Variants in IQGAP1 observed in about 807,000 individuals in gnomAD.
The protein encoded by IQGAP1 is ras GTPase-activating-like protein IQGAP1.
Under a neutral mutation model 215.6 loss-of-function variants are expected in IQGAP1, and 66 were observed. That is an observed-to-expected ratio of 0.31 (90% confidence interval 0.25 to 0.38). The LOEUF is 0.38. Ranked by LOEUF, IQGAP1 falls within the 10% of genes least tolerant of loss-of-function variation. The pLI is 1.00. For synonymous variants in IQGAP1, 772 were observed against 728.7 expected, an observed-to-expected ratio of 1.06 and a Z score of -0.96; for missense variants, 1,712 against 1,997.1, an observed-to-expected ratio of 0.86 and a Z score of 2.72.
intron 2 of IQGAP1, among the ~76,000 whole-genome samples, chr15:90,394,043 G>A (rs542138896): frequency 2.7e-5 from 4 of 150,842 alleles, no homozygotes; most frequent in Non-Finnish European, 5.9e-5. Flanking sequence ...GCTGAGGCAG[G>A]AGAATTGCTT....
At chr15:90,480,120 G>A (rs1966036149) in intron 26 of IQGAP1, among the ~76,000 whole-genome samples, 1 of 151,810 alleles carries the variant, frequency 6.6e-6, no homozygotes, top group Admixed American at 6.6e-5. Flanking sequence ...CAGGCATGGT[G>A]GCATGCACCA....
intron 3 of IQGAP1, 149 bp downstream of exon 3, chr15:90,426,415 A>C (rs1965223159): frequency 2.5e-6 from 2 of 816,142 alleles, no homozygotes; most frequent in Admixed American, 6.7e-5. Context: ...GAATGGAGAA[A>C]TTTGTGCAAA....
intron 33 of IQGAP1, among the ~76,000 whole-genome samples, chr15:90,487,821 C>G (rs557139841): frequency 2.0e-5 from 3 of 152,262 alleles, no homozygotes; most frequent in African/African-American, 7.2e-5. Flanking sequence ...TTGTGCCCAT[C>G]CCGTATATCC....
intron 2 of IQGAP1, among the ~76,000 whole-genome samples, chr15:90,402,973 A>G (rs753195135): frequency 2.6e-5 from 4 of 152,210 alleles, no homozygotes; most frequent in Non-Finnish European, 4.4e-5. Context: ...GACTATTATA[A>G]CAAAATGTTT....
intron 30 of IQGAP1, 48 bp downstream of exon 30, chr15:90,484,400 T>A: frequency 6.6e-7 from 1 of 1,506,496 alleles, no homozygotes; most frequent in Non-Finnish European, 9.1e-7. Context: ...TTAATTATTA[T>A]CCCTGGCTGC....
intron 28 of IQGAP1, chr15:90,483,085 A>G (rs59632221): frequency 0.014 from 4,937 of 356,206 alleles, 182 homozygotes; most frequent in African/African-American, 0.088. Context: ...TAAGTGTGTC[A>G]TTTTTACCTT....
chr15:90,494,859 T>C (rs1018760555), intron 36 of IQGAP1, 24 bp downstream of exon 36: 9 of 1,563,970 alleles, frequency 5.8e-6, no homozygotes, highest in East Asian at 4.5e-5. Flanking sequence ...TTTTGTTTTA[T>C]AAGTTGATTT....
chr15:90,423,374 T>C (rs1301934613), intron 2 of IQGAP1, among the ~76,000 whole-genome samples: 2 of 152,100 alleles, frequency 1.3e-5, no homozygotes, highest in Non-Finnish European at 2.9e-5. Flanking sequence ...TCTGAGACTA[T>C]AGGTGCACAC....
chr15:90,465,953 TG>T (rs1965825039), intron 15 of IQGAP1, 47 bp from the exon 16 acceptor site: 1 of 1,434,108 alleles, frequency 7.0e-7, no homozygotes, highest in African/African-American at 1.4e-5. Flanking sequence ...GTATGTTACA[TG>T]TACCCTGATT....
intron 1 of IQGAP1, 100 bp from the exon 2 acceptor site, chr15:90,390,674 A>T: frequency 2.6e-6 from 2 of 772,674 alleles, no homozygotes; most frequent in Non-Finnish European, 4.5e-6. Context: ...AGTTATCCTG[A>T]CTTTCTAGGT....
At chr15:90,398,595 A>G (rs1358201113) in intron 2 of IQGAP1, among the ~76,000 whole-genome samples, 1 of 152,220 alleles carries the variant, frequency 6.6e-6, no homozygotes, top group Non-Finnish European at 1.5e-5. Flanking sequence ...TGCATTTAAT[A>G]CACCTAACCT....
intron 2 of IQGAP1, among the ~76,000 whole-genome samples, chr15:90,405,971 A>T (rs1430599177): frequency 6.6e-6 from 1 of 152,204 alleles, no homozygotes; most frequent in Non-Finnish European, 1.5e-5. Context: ...CTTGGCTTAT[A>T]GAGCTTAAAT....
chr15:90,498,661 A>G (rs971403116), intron 37 of IQGAP1, among the ~76,000 whole-genome samples: 3 of 149,206 alleles, frequency 2.0e-5, no homozygotes, highest in African/African-American at 7.5e-5. Context: ...CTTTTTTTGG[A>G]GGGGGGGGCA....
At position 90,439,371 on chromosome 15, in the gene IQGAP1, A is replaced by G; in HGVS notation, c.507A>G (p.Gln169=). Residue 169 remains glutamine (Q), a synonymous_variant, in exon 6 of 38, where the codon CAA becomes CAG. Coordinates refer to ENST00000268182, the MANE Select transcript of IQGAP1 (RefSeq NM_003870.4). ...LFKLGLAPQI[Q]DLYGKVDFTE... is the part of the protein sequence containing the mutation. ...AGCTAGGCCTGGCCCCTCAGATTCA[A>G]GACCTATATGGAAAGGTTGACTTCA... 1 of 1,613,258 alleles carries G rather than the reference A, an allele frequency of 6.2e-7. No homozygotes were observed. The highest frequency in any genetic ancestry group is 1.1e-5 in the South Asian group (1 of 91,028).
chr15:90,449,170 T>G lies in IQGAP1; in HGVS notation c.1078-389T>G, dbSNP rs570393742. 1.5e-4 allele frequency among the ~76,000 whole-genome samples: 22 copies of G among 144,234 alleles called. No individual in the cohort carries two copies. In the East Asian group the frequency reaches 1.8e-3, roughly 12 times the overall value. 94.6% of individuals were successfully genotyped at this position (144,234 alleles called of 152,430 possible). A position where few individuals can be genotyped will look rare whatever the true frequency, so the allele number is the denominator to read the frequency against. On this transcript the variant is annotated intron_variant, in intron 10 of 37. Transcript: ENST00000268182. ...CTTGTGTGGGATTGTATTTCGTGGG[T>G]TTTTTTTTTTTAGAACAAACATGAG...
intron 14 of IQGAP1, 37 bp downstream of exon 14, chr15:90,454,589 C>T: frequency 6.7e-7 from 1 of 1,502,114 alleles, no homozygotes; most frequent in Non-Finnish European, 8.9e-7. Context: ...ATAATGTCAC[C>T]ATTAATGATG....
Position 90,454,425 on chromosome 15 carries a change from C to T in IQGAP1, c.1488-3C>T, listed in dbSNP as rs775432902. On this transcript the variant is annotated splice_polypyrimidine_tract_variant and splice_region_variant and intron_variant, in intron 13 of 37. Coordinates refer to ENST00000268182, the MANE Select transcript of IQGAP1 (RefSeq NM_003870.4). ...GCTCTTTTTACTTGGGGGTCTGGGG[C>T]AGGTATCTCGATGAGTTGATGAAAC... is the stretch of plus-strand genomic sequence containing the variant. The T allele has an allele frequency of 2.5e-6, 4 of 1,613,314 alleles. No individual in the cohort carries two copies. Among genetic ancestry groups the T allele is most frequent in the Non-Finnish European group, 3.4e-6 (4 of 1,179,688 alleles).
intron 2 of IQGAP1, among the ~76,000 whole-genome samples, chr15:90,418,141 A>G (rs139491977): frequency 6.6e-6 from 1 of 152,150 alleles, no homozygotes; most frequent in African/African-American, 2.4e-5. Flanking sequence ...ACGTTATACC[A>G]CTGATAAGTG....
intron 2 of IQGAP1, among the ~76,000 whole-genome samples, chr15:90,397,610 AG>A (rs1596246888): frequency 7.1e-6 from 1 of 140,356 alleles, no homozygotes; most frequent in Non-Finnish European, 1.5e-5. Flanking sequence ...TCCGCCTCCC[AG>A]GTTCTCACCA....
Sources: gnomAD v4.1 joint callset for allele counts (sites outside exome capture counted in the v4.1 genomes callset) on GRCh38, gnomAD v4.1.1 for gene constraint, MANE v1.5 for transcripts, NCBI Gene and HGNC (gene_info 2026-07-23, HGNC 2026-07-21) for gene names.